Variants in USP35 observed in about 807,000 individuals in gnomAD.
USP35 encodes the protein ubiquitin carboxyl-terminal hydrolase 35.
Under a neutral mutation model 83.8 loss-of-function variants are expected in USP35, and 69 were observed. That is an observed-to-expected ratio of 0.82 (90% CI 0.68 to 1.01). The LOEUF is 1.01. Ranked by LOEUF, USP35 falls within the 50% of genes least tolerant of loss-of-function variation. The pLI is 0.00. For synonymous variants in USP35, 714 were observed against 589.5 expected, an observed-to-expected ratio of 1.21 and a Z score of -3.06; for missense variants, 1,503 against 1,362.5, an observed-to-expected ratio of 1.10 and a Z score of -1.62.
At chr11:78,195,026 A>G (rs1338876289) in intron 1 of USP35, among the ~76,000 whole-genome samples, 1 of 152,138 alleles carries the variant, frequency 6.6e-6, no homozygotes, top group Non-Finnish European at 1.5e-5. Context: ...AGCATACACA[A>G]AGGCCCAGGG....
At chr11:78,213,337 T>C (rs569187847) in intron 10 of USP35, among the ~76,000 whole-genome samples, 93 of 152,246 alleles carry the variant, frequency 6.1e-4, no homozygotes, top group Non-Finnish European at 9.7e-4. Flanking sequence ...GCGGACAGGT[T>C]CCCGTGTGGT....
Position 78,213,969 on chromosome 11 carries a change from T to G in USP35, c.*156T>G, listed in dbSNP as rs140642860. The G allele has an allele frequency of 7.8e-5, 62 of 795,600 alleles. No homozygotes were observed. In the African/African-American group the frequency reaches 9.7e-4, roughly 12 times the overall value. The allele number at this position is 795,600 out of a possible 1,614,324, so 49.3% of individuals were successfully genotyped here. ...GGGTACACAGAGATTCTCTCAGATA[T>G]GGAAGTAAGACCTAAGTCCCTTTCA... On this transcript the variant is annotated 3_prime_UTR_variant, in exon 11 of 11. Coordinates refer to ENST00000529308, the MANE Select transcript of USP35 (RefSeq NM_020798.4).
At chr11:78,200,877 G>A (rs1272630579) in intron 6 of USP35, 69 bp downstream of exon 6, 16 of 1,518,434 alleles carry the variant, frequency 1.1e-5, no homozygotes, top group Non-Finnish European at 1.3e-5. Flanking sequence ...CCTTCCAGCG[G>A]GCCATACCAC....
Position 78,208,983 on chromosome 11 carries a change from G to T in USP35, c.1592+20G>T. 6.2e-7 allele frequency: 1 copy of T among 1,611,818 alleles called. No individual in the cohort carries two copies. Among genetic ancestry groups the T allele is most frequent in the Non-Finnish European group, 8.5e-7 (1 of 1,178,272 alleles). On this transcript the variant is annotated intron_variant, in intron 9 of 10. Transcript: ENST00000529308. ...GGATCGGTAAGGGGGCCAGGGCTAC[G>T]CGAAGACTCCAGGTCTAGAGGGTCC...
the USP35 span, among the ~76,000 whole-genome samples, chr11:78,231,555 G>A: frequency 1.2e-4 from 19 of 152,058 alleles, no homozygotes; most frequent in African/African-American, 3.9e-4. Context: ...TCATCATATC[G>A]GCCATGCTGG....
At chr11:78,192,658 G>C (rs1317396218) in intron 1 of USP35, among the ~76,000 whole-genome samples, 1 of 152,220 alleles carries the variant, frequency 6.6e-6, no homozygotes, top group Non-Finnish European at 1.5e-5. Context: ...TTGGAGATCA[G>C]AGCTCTCATG....
At chr11:78,201,815 T>C (rs1281619259) in intron 6 of USP35, among the ~76,000 whole-genome samples, 1 of 150,026 alleles carries the variant, frequency 6.7e-6, no homozygotes, top group Non-Finnish European at 1.5e-5. Context: ...GTGAGACATG[T>C]AGCTGGAGTC....
Position 78,196,171 on chromosome 11 carries a change from A to G in USP35, c.-10-65A>G. On this transcript the variant is annotated intron_variant, in intron 1 of 10. Transcript: ENST00000529308. This position sits in a 1 kb window ranked among gnomAD's most constrained non-coding sequence, Gnocchi z 4.8. ...TTGCCCTAAGTCTCAGCACTCGGGG[A>G]CTGCACCGGGAACTCTTGAGCCCCG... 6.7e-7 allele frequency: 1 copy of G among 1,497,946 alleles called. No homozygotes were observed. Among genetic ancestry groups the G allele is most frequent in the Non-Finnish European group, 8.8e-7 (1 of 1,134,454 alleles). 92.8% of individuals were successfully genotyped at this position (1,497,946 alleles called of 1,614,324 possible).
At position 78,205,889 on chromosome 11, in the gene USP35, G is replaced by A. The variant is rs201674415; in HGVS notation, c.1245G>A (p.Gln415=). The A allele has an allele frequency of 6.2e-7, 1 of 1,614,240 alleles. No individual in the cohort carries two copies. The highest frequency in any genetic ancestry group is 1.3e-5 in the African/African-American group (1 of 75,068). Residue 415 remains glutamine (Q), a synonymous_variant, in exon 7 of 11, where the codon CAG becomes CAA. Coordinates refer to ENST00000529308, the MANE Select transcript of USP35 (RefSeq NM_020798.4). ...ACCGCATCAAGCAGCTGCTGGGGCA[G>A]GATGCCTGGACTTCGCAGAAGAGCG... ...NEDRIKQLLG[Q]DAWTSQKSEL...
At chr11:78,200,927 TC>T in intron 6 of USP35, 119 bp downstream of exon 6, 2 of 1,351,318 alleles carry the variant, frequency 1.5e-6, no homozygotes, top group Non-Finnish European at 2.0e-6. Context: ...CCTGGCTGTC[TC>T]CCATCACCTC....
rs1428374437 is a variant in USP35, at chr11:78,213,930, C to T, written c.*117C>T. The T allele has an allele frequency of 9.7e-5, 116 of 1,199,984 alleles. 1 individual carries two copies. The highest frequency in any genetic ancestry group is 2.4e-4 in the South Asian group (14 of 58,974). The allele number at this position is 1,199,984 out of a possible 1,614,324, so 74.3% of individuals were successfully genotyped here. A position where few individuals can be genotyped will look rare whatever the true frequency, so the allele number is the denominator to read the frequency against. On this transcript the variant is annotated 3_prime_UTR_variant, in exon 11 of 11. Transcript: ENST00000529308. ...TGGTACAGCTCATGGCACCTTAGTCCTCAGCCTGATGAAGGGTACACAGAG... is the reference window on the plus strand; with the variant it reads ...TGGTACAGCTCATGGCACCTTAGTCTTCAGCCTGATGAAGGGTACACAGAG...
chr11:78,207,632 AG>A lies in USP35; in HGVS notation c.1485+13del, dbSNP rs1863572257. 5 of 1,613,294 alleles carry A rather than the reference AG, an allele frequency of 3.1e-6. No homozygotes were observed. In the African/African-American group the frequency reaches 6.7e-5, roughly 22 times the overall value. ...TCCTAGAACACAGCCAGGTGAGTGT[AG>A]GGGCAGTCAGAGGGGGGTGGAGAGG... On this transcript the variant is annotated intron_variant, in intron 8 of 10. Transcript: ENST00000529308.
chr11:78,223,040 C>T, the USP35 span, among the ~76,000 whole-genome samples: 1 of 152,322 alleles, frequency 6.6e-6, no homozygotes, highest in East Asian at 1.9e-4. Flanking sequence ...CCCTGTTGGC[C>T]AGACCCACAG....
chr11:78,222,698 T>G, the USP35 span, among the ~76,000 whole-genome samples: 4 of 152,082 alleles, frequency 2.6e-5, no homozygotes, highest in Non-Finnish European at 5.9e-5. Context: ...TTCTCCTGCC[T>G]CAGCCTCCCT....
chr11:78,200,327 C>T, intron 5 of USP35, 93 bp downstream of exon 5: 1 of 1,438,888 alleles, frequency 6.9e-7, no homozygotes, highest in Non-Finnish European at 9.7e-7. Context: ...GCCCTGCCTG[C>T]TGACCCTGGG....
Position 78,200,800 on chromosome 11 carries a change from G to A in USP35, c.1189G>A (p.Ala397Thr). 6.2e-7 allele frequency: 1 copy of A among 1,605,824 alleles called. No individual in the cohort carries two copies. The change falls in exon 6 of 11, where the codon GCC (alanine) becomes ACC (threonine). Residue 397 changes from alanine to threonine, a missense_variant. Physicochemically the swap from Ala to Thr is moderately conservative, Grantham distance 58. Coordinates refer to ENST00000529308, the MANE Select transcript of USP35 (RefSeq NM_020798.4). ...FPDLYEPVME[A>T]IKDLHVPNED... is the part of the protein sequence containing the mutation. ...GGATCTGTATGAGCCTGTCATGGAG[G>A]CCATCAAGGTGAGCGACAGTCCCCT...
intron 6 of USP35, among the ~76,000 whole-genome samples, chr11:78,202,160 A>G (rs749198987): frequency 2.0e-5 from 3 of 152,186 alleles, no homozygotes; most frequent in Admixed American, 6.5e-5. Context: ...GAGATGGCCA[A>G]TCTCAGTCAC....
chr11:78,221,371 C>A, the USP35 span, among the ~76,000 whole-genome samples: 1 of 152,194 alleles, frequency 6.6e-6, no homozygotes, highest in South Asian at 2.1e-4. Flanking sequence ...TGAGGAGATA[C>A]CTCCAGCACT....
At chr11:78,208,192 A>G (rs1863595181) in intron 8 of USP35, among the ~76,000 whole-genome samples, 2 of 152,236 alleles carry the variant, frequency 1.3e-5, no homozygotes, top group Non-Finnish European at 2.9e-5. Context: ...CAGAGTGCTC[A>G]GGACCTCATC....
Sources: allele counts gnomAD v4.1 joint callset (sites outside exome capture counted in the v4.1 genomes callset), GRCh38; gene constraint gnomAD v4.1.1; non-coding constraint Gnocchi (gnomAD v3.1); transcripts MANE v1.5; gene names NCBI Gene and HGNC (gene_info 2026-07-23, HGNC 2026-07-21).